Variants in VIPR1 observed in about 807,000 individuals in gnomAD.
VIPR1 encodes vasoactive intestinal peptide receptor 1, also known as vasoactive intestinal polypeptide receptor 1.
VIPR1 carries 59 observed loss-of-function variants against 58.8 expected under a neutral mutation model. The ratio of observed to expected loss-of-function variants is 1.00; its 90% CI spans 0.81 to 1.25. The LOEUF is 1.25. Ranked by LOEUF, VIPR1 falls within the 50% of genes most tolerant of loss-of-function variation. The pLI is 0.00. For synonymous variants in VIPR1, 251 were observed against 242.1 expected, an observed-to-expected ratio of 1.04 and a Z score of -0.34; for missense variants, 626 against 602.7, an observed-to-expected ratio of 1.04 and a Z score of -0.40.
intron 1 of VIPR1, chr3:42,513,484 C>T (rs928168478): frequency 1.5e-5 from 6 of 408,986 alleles, no homozygotes; most frequent in Admixed American, 3.8e-5. Flanking sequence ...TTGTGCCACC[C>T]GCAAAGAGAC....
intron 1 of VIPR1, among the ~76,000 whole-genome samples, chr3:42,493,324 C>G (rs984735421): frequency 4.6e-5 from 7 of 152,160 alleles, no homozygotes; most frequent in Admixed American, 2.0e-4. Flanking sequence ...TCGAGAGGGC[C>G]TTGGGACCCT....
chr3:42,489,751 C>G (rs980580707), intron 1 of VIPR1: 21 of 152,442 alleles, frequency 1.4e-4, no homozygotes, highest in African/African-American at 5.1e-4. Context: ...CATGCATTGG[C>G]ACTCCTCCAG....
intron 7 of VIPR1, 171 bp from the exon 8 acceptor site, chr3:42,531,300 T>C: frequency 1.4e-6 from 1 of 692,458 alleles, no homozygotes; most frequent in South Asian, 1.8e-5. Context: ...ACCCCCTCAG[T>C]GGAGCATCCC....
chr3:42,497,566 A>G (rs75935944), intron 1 of VIPR1, among the ~76,000 whole-genome samples: 1 of 152,162 alleles, frequency 6.6e-6, no homozygotes, highest in East Asian at 1.9e-4. Context: ...CCACACTCCC[A>G]ACACCATGAC....
At position 42,525,998 on chromosome 3, in the gene VIPR1, G is replaced by T. The variant is rs2125667059; in HGVS notation, c.399+5G>T. 6.2e-7 allele frequency: 1 copy of T among 1,608,120 alleles called. No individual in the cohort carries two copies. The highest frequency in any genetic ancestry group is 2.2e-5 in the East Asian group (1 of 44,666). On this transcript the variant is annotated splice_donor_5th_base_variant and intron_variant, in intron 4 of 12. Transcript: ENST00000325123. ...AAGGCAGCGAGTTTGGATGAGGTGG[G>T]TCTCAGGGCACCCCCACCTCACCTG...
In VIPR1 at chr3:42,537,343, G is replaced by A. The variant is rs1577267660; in HGVS notation, c.*1062G>A. On this transcript the variant is annotated 3_prime_UTR_variant, in exon 13 of 13. Transcript: ENST00000325123. The stretch of plus-strand genomic sequence containing the variant: ...CCTCTTGGTTATTTGTTTACCACTT[G>A]TATTATTAATGCCATTATCCCTGAA... 2 of 152,340 alleles carry A rather than the reference G, an allele frequency of 1.3e-5. No homozygotes were observed. Among genetic ancestry groups the A allele is most frequent in the East Asian group, 1.9e-4 (1 of 5,186 alleles). 9.4% of individuals were successfully genotyped at this position (152,340 alleles called of 1,614,324 possible). A position where few individuals can be genotyped will look rare whatever the true frequency, so the allele number is the denominator to read the frequency against.
intron 8 of VIPR1, 64 bp downstream of exon 8, chr3:42,531,595 G>A: frequency 6.3e-7 from 1 of 1,579,546 alleles, no homozygotes; most frequent in Non-Finnish European, 8.6e-7. Flanking sequence ...TGGGTGGGAT[G>A]ATAATGCCAT....
rs1011872628 is a variant in VIPR1 at position 42,502,776 on chromosome 3, T to C, written c.41T>C (p.Val14Ala). The C allele has an allele frequency of 2.3e-6, 3 of 1,290,950 alleles. No individual in the cohort carries two copies. The highest frequency in any genetic ancestry group is 2.0e-6 in the Non-Finnish European group (2 of 1,021,366). 80.0% of individuals were successfully genotyped at this position (1,290,950 alleles called of 1,614,324 possible). The change falls in exon 1 of 13, where the codon GTG (valine) becomes GCG (alanine). Residue 14 changes from valine (V) to alanine (A), a missense_variant. Coordinates refer to ENST00000325123, the MANE Select transcript of VIPR1 (RefSeq NM_004624.4). Reference protein sequence around the residue: ...PSPLPARWLCVLAGALAWALG... With the variant: ...PSPLPARWLCALAGALAWALG... Reference sequence around the variant, plus strand: ...CCGCTGCCCGCCCGCTGGCTATGCGTGCTGGCAGGCGCCCTCGCCTGGGCC... The same window carrying C: ...CCGCTGCCCGCCCGCTGGCTATGCGCGCTGGCAGGCGCCCTCGCCTGGGCC...
At chr3:42,525,659 A>G (rs1365279214) in intron 3 of VIPR1, among the ~76,000 whole-genome samples, 4 of 152,214 alleles carry the variant, frequency 2.6e-5, no homozygotes, top group Admixed American at 6.5e-5. Context: ...GGCTGAGCCC[A>G]AGAATGTCTG....
chr3:42,527,693 C>T (rs769105257), intron 5 of VIPR1, 197 bp downstream of exon 5: 28 of 648,090 alleles, frequency 4.3e-5, no homozygotes, highest in Non-Finnish European at 6.7e-5. Flanking sequence ...GCAGCCTAGT[C>T]TCCCCTAGGA....
intron 3 of VIPR1, among the ~76,000 whole-genome samples, chr3:42,520,822 A>C (rs1011300862): frequency 2.0e-5 from 3 of 152,094 alleles, no homozygotes; most frequent in Non-Finnish European, 4.4e-5. Flanking sequence ...TTTGCCCCCC[A>C]GTGCCTGCTG....
intron 2 of VIPR1, among the ~76,000 whole-genome samples, 189 bp from the exon 3 acceptor site, chr3:42,519,034 T>G (rs1700775201): frequency 6.6e-6 from 1 of 152,232 alleles, no homozygotes; most frequent in African/African-American, 2.4e-5. Context: ...TCAGGCCTCC[T>G]TCCTGCCTCC....
chr3:42,525,249 G>A (rs1233686037), intron 3 of VIPR1, among the ~76,000 whole-genome samples: 1 of 152,048 alleles, frequency 6.6e-6, no homozygotes, highest in Non-Finnish European at 1.5e-5. Flanking sequence ...AGCCTCTGAG[G>A]ACAGTGGACA....
In VIPR1 at chr3:42,520,543, G is replaced by A. The variant is rs1700864458; in HGVS notation, c.292+1213G>A. ...TTATGGAGGGAATGGGAGTGAGTGA[G>A]GCGAGGGAGGAATCAAGCAGGCCCC... On this transcript the variant is annotated intron_variant, in intron 3 of 12. Transcript: ENST00000325123. Among the ~76,000 whole-genome samples, 4 of 152,148 alleles carry A rather than the reference G, an allele frequency of 2.6e-5. No homozygotes were observed. The South Asian group carries it at 8.3e-4, about 32-fold the overall frequency.
chr3:42,526,304 C>A (rs527890584), intron 4 of VIPR1, among the ~76,000 whole-genome samples: 1 of 152,368 alleles, frequency 6.6e-6, no homozygotes, highest in East Asian at 1.9e-4. Context: ...GCAGGGCAGG[C>A]AGACACCAGC....
intron 6 of VIPR1, 128 bp downstream of exon 6, chr3:42,528,251 A>C (rs1701347738): frequency 3.3e-6 from 4 of 1,202,434 alleles, no homozygotes; most frequent in South Asian, 3.0e-5. Context: ...CCCTCAATCC[A>C]AGGATAGCCT....
intron 6 of VIPR1, 26 bp from the exon 7 acceptor site, chr3:42,530,753 C>T (rs369288581): frequency 6.2e-7 from 1 of 1,611,404 alleles, no homozygotes; most frequent in Non-Finnish European, 8.5e-7. Context: ...CCCCAGTGAA[C>T]CCCGTCTTTT....
Position 42,536,173 on chromosome 3 carries a change from G to C in VIPR1, c.1266G>C (p.Ser422=), listed in dbSNP as rs773020249. 6.2e-7 allele frequency: 1 copy of C among 1,607,366 alleles called. No homozygotes were observed. The highest frequency in any genetic ancestry group is 8.5e-7 in the Non-Finnish European group (1 of 1,177,678). ...LGWNPKYRHP[S]GGSNGATCST... is the part of the protein sequence containing the mutation. ...GGAACCCCAAATACCGGCACCCGTCGGGAGGCAGCAACGGCGCCACGTGCA... is the reference window on the plus strand; with the variant it reads ...GGAACCCCAAATACCGGCACCCGTCCGGAGGCAGCAACGGCGCCACGTGCA... Residue 422 remains serine, a synonymous_variant, in exon 13 of 13, where the codon TCG becomes TCC. Transcript: ENST00000325123.
intron 3 of VIPR1, 177 bp downstream of exon 3, chr3:42,519,507 G>A: frequency 2.0e-6 from 1 of 490,210 alleles, no homozygotes; most frequent in Non-Finnish European, 3.6e-6. Flanking sequence ...GATTTGATTA[G>A]CTCTTCACAT....
Sources: allele counts gnomAD v4.1 joint callset (sites outside exome capture counted in the v4.1 genomes callset), GRCh38; gene constraint gnomAD v4.1.1; transcripts MANE v1.5; gene names NCBI Gene and HGNC (gene_info 2026-07-23, HGNC 2026-07-21).